Variants in KDM3A observed in about 807,000 individuals in gnomAD.
KDM3A encodes lysine demethylase 3A.
A neutral mutation model predicts 158.0 loss-of-function variants in KDM3A; 60 were observed. The observed-to-expected ratio is 0.38, with a 90% CI of 0.31 to 0.47. The LOEUF (loss-of-function observed/expected upper bound fraction) is 0.47, where lower values mean the gene tolerates loss of function less well. Among genes scored for constraint, KDM3A ranks in the 20% least tolerant of loss-of-function variants. The pLI is 0.99. For synonymous variants in KDM3A, 608 were observed against 549.3 expected (o/e 1.11, Z -1.49); for missense variants, 1,319 against 1,574.3 (o/e 0.84, Z 2.74).
rs769244194 is a variant in KDM3A, at chr2:86,449,851, G to C, written c.231G>C (p.Trp77Cys). The C allele has an allele frequency of 6.2e-7, 1 of 1,613,676 alleles. No homozygotes were observed. Among genetic ancestry groups the C allele is most frequent in the Non-Finnish European group, 8.5e-7 (1 of 1,179,800 alleles). The change falls in exon 3 of 26, where the codon TGG (tryptophan) becomes TGC (cysteine). Residue 77 changes from tryptophan to cysteine, a missense_variant. Transcript: ENST00000312912. Reference sequence around the variant, plus strand: ...GGGAATCTTGGAGGAAAAGAAGATGGATAGAAGTCTACAGCCTTCTAAGGA... The same window carrying C: ...GGGAATCTTGGAGGAAAAGAAGATGCATAGAAGTCTACAGCCTTCTAAGGA... Reference protein sequence around the residue: ...FDGESWRKRRWIEVYSLLRRA... With the variant: ...FDGESWRKRRCIEVYSLLRRA...
chr2:86,482,344 G>A (rs1167599256), intron 17 of KDM3A, 114 bp from the exon 18 acceptor site: 20 of 1,513,628 alleles, frequency 1.3e-5, no homozygotes, highest in Non-Finnish European at 1.8e-5. Context: ...CTTTTTGCCT[G>A]GGGGTCCTGG....
At chr2:86,445,052 A>C (rs1682899465) in intron 2 of KDM3A, among the ~76,000 whole-genome samples, 1 of 152,210 alleles carries the variant, frequency 6.6e-6, no homozygotes, top group Admixed American at 6.5e-5. Flanking sequence ...TTTTAGTGTC[A>C]AAAACTGAGG....
chr2:86,487,825 A>G (rs992823499), intron 21 of KDM3A: 1 of 138,048 alleles, frequency 7.2e-6, no homozygotes, highest in Non-Finnish European at 1.7e-5. Flanking sequence ...TGGTTTTATC[A>G]ATGTACAGTT....
intron 1 of KDM3A, 104 bp downstream of exon 1, chr2:86,441,548 G>C (rs1435951954): frequency 6.6e-6 from 1 of 150,886 alleles, no homozygotes; most frequent in East Asian, 2.0e-4. Context: ...CCCGGGAGAC[G>C]GGCGCCCGGG....
At chr2:86,445,031 G>A (rs1234854076) in intron 2 of KDM3A, among the ~76,000 whole-genome samples, 3 of 152,132 alleles carry the variant, frequency 2.0e-5, no homozygotes, top group Non-Finnish European at 4.4e-5. Flanking sequence ...ATCCTAGATG[G>A]TAAACTACAT....
chr2:86,484,896 GT>G (rs1314530416), intron 19 of KDM3A, 45 bp from the exon 20 acceptor site: 3 of 1,239,108 alleles, frequency 2.4e-6, no homozygotes, highest in African/African-American at 3.0e-5. Context: ...ATTTTGGTCT[GT>G]TTCTGAATTA....
At chr2:86,471,187 T>A (rs922088286) in intron 11 of KDM3A, among the ~76,000 whole-genome samples, 4 of 152,030 alleles carry the variant, frequency 2.6e-5, no homozygotes, top group African/African-American at 9.7e-5. Flanking sequence ...AAAAATCTTT[T>A]CCAATTTTAT....
rs762953772 is a variant in KDM3A at position 86,466,697 on chromosome 2, T to G, written c.1333T>G (p.Ser445Ala). 2 of 1,613,890 alleles carry G rather than the reference T, an allele frequency of 1.2e-6. No individual in the cohort carries two copies. Among genetic ancestry groups the G allele is most frequent in the South Asian group, 2.2e-5 (2 of 91,074 alleles). Residue 445 changes from serine (S) to alanine (A), a missense_variant, in exon 10 of 26, where the codon TCC becomes GCC. By Grantham distance (99) the Ser-to-Ala change is moderately conservative. This residue lies in a region of KDM3A where 652 missense variants were observed against 627.2 expected (regional missense o/e 1.04). Transcript: ENST00000312912. ...GCAGAAGCACCTAGAACATGCACCT[T>G]CCCCATCGGATGTTTCAAATGCACC... ...ELQKHLEHAPSPSDVSNAPEV... is the reference protein window; with the variant it reads ...ELQKHLEHAPAPSDVSNAPEV...
intron 22 of KDM3A, 41 bp from the exon 23 acceptor site, chr2:86,489,479 A>G (rs760590917): frequency 1.2e-6 from 2 of 1,612,450 alleles, no homozygotes; most frequent in Admixed American, 3.3e-5. Context: ...TCTTTGAGCC[A>G]GGGCTTGTGG....
chr2:86,489,298 A>G lies in KDM3A; in HGVS notation c.3314-20A>G. 1 of 1,609,512 alleles carries G rather than the reference A, an allele frequency of 6.2e-7. No individual in the cohort carries two copies. Among genetic ancestry groups the G allele is most frequent in the Non-Finnish European group, 8.5e-7 (1 of 1,177,820 alleles). On this transcript the variant is annotated intron_variant, in intron 21 of 25. Transcript: ENST00000312912. ...GCCTTTGTTGTCTTTTGTAAAACTT[A>G]AGGCACTTTGTTTTTGCAGGATTAA... is the stretch of plus-strand genomic sequence containing the variant.
At chr2:86,484,685 G>T (rs1371172388) in intron 19 of KDM3A, 1 of 401,502 alleles carries the variant, frequency 2.5e-6, no homozygotes, top group Non-Finnish European at 4.5e-6. Context: ...ATTAGTTGGT[G>T]ATCTTTATTT....
At position 86,455,114 on chromosome 2, in the gene KDM3A, G is replaced by A; in HGVS notation, c.483G>A (p.Thr161=). The A allele has an allele frequency of 6.3e-7, 1 of 1,598,944 alleles. No homozygotes were observed. Among genetic ancestry groups the A allele is most frequent in the Non-Finnish European group, 8.5e-7 (1 of 1,173,730 alleles). ...QDVNSLRLSL[T]DNQIVSKEFQ... is the part of the protein sequence containing the mutation. The stretch of plus-strand genomic sequence containing the variant: ...TAAACAGTCTTCGACTTTCTCTTAC[G>A]GATAATCAGATTGTCAGTAAAGAAT... The change falls in exon 5 of 26, where the codon ACG becomes ACA. Residue 161 remains threonine (T), a synonymous_variant. Transcript: ENST00000312912.
At chr2:86,445,515 C>T (rs1682920198) in intron 2 of KDM3A, among the ~76,000 whole-genome samples, 1 of 152,066 alleles carries the variant, frequency 6.6e-6, no homozygotes, top group Non-Finnish European at 1.5e-5. Context: ...TAATGCCCTG[C>T]TTCCTTAACT....
At position 86,475,138 on chromosome 2, in the gene KDM3A, C is replaced by T. The variant is rs1057362085; in HGVS notation, c.1939+148C>T. 6.1e-6 allele frequency: 4 copies of T among 658,858 alleles called. No individual in the cohort carries two copies. The African/African-American group carries it at 7.3e-5, about 12-fold the overall frequency. 40.8% of individuals were successfully genotyped at this position (658,858 alleles called of 1,614,324 possible). The stretch of plus-strand genomic sequence containing the variant: ...TGAGGTTGCATTTTTCCTTTTGCAA[C>T]AGGTTTGATCAGAGTTAGCCACCTA... On this transcript the variant is annotated intron_variant, in intron 12 of 25. Transcript: ENST00000312912.
Position 86,480,268 on chromosome 2 carries a change from A to G in KDM3A, c.2418A>G (p.Pro806=). The change falls in exon 16 of 26, where the codon CCA becomes CCG. Residue 806 remains proline, a synonymous_variant. Transcript: ENST00000312912. The part of the protein sequence containing the change: ...AAVGGEAASK[P]AGSMKPACPA... Reference sequence around the variant, plus strand: ...TGGGTGGGGAAGCAGCCTCCAAGCCAGCCGGCAGCATGAAGCCTGCCTGTC... The same window carrying G: ...TGGGTGGGGAAGCAGCCTCCAAGCCGGCCGGCAGCATGAAGCCTGCCTGTC... 1 of 1,613,988 alleles carries G rather than the reference A, an allele frequency of 6.2e-7. No homozygotes were observed. The highest frequency in any genetic ancestry group is 1.1e-5 in the South Asian group (1 of 91,074).
At chr2:86,480,937 T>C (rs1673895096) in intron 16 of KDM3A, among the ~76,000 whole-genome samples, 1 of 152,220 alleles carries the variant, frequency 6.6e-6, no homozygotes, top group Admixed American at 6.5e-5. Flanking sequence ...TACTGCTCAT[T>C]ATTTCTGTAT....
rs570261345 is a variant in KDM3A at position 86,456,339 on chromosome 2, C to T, written c.557-103C>T. ...GTGATTCTTTTAATGTTTACTTTTG[C>T]GTTTTTTTAAAAAAGACTTAGGAAA... is the stretch of plus-strand genomic sequence containing the variant. On this transcript the variant is annotated intron_variant, in intron 5 of 25. Transcript: ENST00000312912. The T allele has an allele frequency of 1.0e-3, 834 of 809,974 alleles. 13 individuals carry two copies. The East Asian group carries it at 0.024, about 23-fold the overall frequency. The allele number at this position is 809,974 out of a possible 1,614,324, so 50.2% of individuals were successfully genotyped here.
At chr2:86,442,861 A>T (rs952489952) in intron 2 of KDM3A, among the ~76,000 whole-genome samples, 1 of 152,048 alleles carries the variant, frequency 6.6e-6, no homozygotes, top group Non-Finnish European at 1.5e-5. Flanking sequence ...TGTCCCATAT[A>T]TGGCATATTG....
chr2:86,485,515 G>A (rs939170886), intron 20 of KDM3A, among the ~76,000 whole-genome samples: 1 of 152,218 alleles, frequency 6.6e-6, no homozygotes, highest in African/African-American at 2.4e-5. Flanking sequence ...TGTCTGAACG[G>A]TTACAGCTGA....
Sources: gnomAD v4.1 joint callset for allele counts (sites outside exome capture counted in the v4.1 genomes callset) on GRCh38, gnomAD v4.1.1 for gene constraint, gnomAD v4.1.1 regional missense constraint, MANE v1.5 for transcripts, NCBI Gene and HGNC (gene_info 2026-07-23, HGNC 2026-07-21) for gene names.